STK39: variants seen among roughly 807,000 people sequenced by gnomAD.
STK39 encodes the protein serine/threonine kinase 39, also known as STE20/SPS1-related proline-alanine-rich protein kinase.
In STK39, 20 loss-of-function variants were observed where a neutral mutation model predicts 77.8. The observed-to-expected ratio is 0.26, with a 90% confidence interval of 0.18 to 0.37. STK39 has a LOEUF of 0.37. STK39 is among the 10% of genes least tolerant of loss of function. The pLI, the probability that STK39 is intolerant of heterozygous loss-of-function variation, is 1.00. For missense variants in STK39, 479 were observed against 656.5 expected (o/e 0.73, Z 2.95); for synonymous variants, 246 against 234.1 (o/e 1.05, Z -0.47).
intron 16 of STK39, among the ~76,000 whole-genome samples, chr2:167,986,725 C>A (rs1683569074): frequency 1.3e-5 from 2 of 152,124 alleles, no homozygotes; most frequent in African/African-American, 4.8e-5. Flanking sequence ...AAGAAAGGAA[C>A]ACCGTGAGGT....
intron 10 of STK39, among the ~76,000 whole-genome samples, chr2:168,118,229 C>T (rs1174903398): frequency 3.9e-5 from 6 of 151,954 alleles, no homozygotes; most frequent in African/African-American, 9.7e-5. Flanking sequence ...AGCTCATGCA[C>T]GCAAGCTTTT....
chr2:168,000,933 A>T (rs1473424738), intron 16 of STK39, among the ~76,000 whole-genome samples: 4 of 152,192 alleles, frequency 2.6e-5, no homozygotes, highest in African/African-American at 9.6e-5. Flanking sequence ...TCGCTGACCA[A>T]ATTCTACAAG....
At chr2:168,040,416 C>G (rs2105351170) in intron 14 of STK39, among the ~76,000 whole-genome samples, 1 of 152,278 alleles carries the variant, frequency 6.6e-6, no homozygotes, top group Middle Eastern at 3.4e-3. Context: ...AGCTCTTGCC[C>G]TGAGTAATGG....
intron 14 of STK39, among the ~76,000 whole-genome samples, chr2:168,019,271 T>C (rs1684511358): frequency 6.6e-6 from 1 of 152,246 alleles, no homozygotes; most frequent in Non-Finnish European, 1.5e-5. Context: ...CCCATGTCAG[T>C]ATAATAAAAT....
chr2:168,197,676 T>C (rs1250858954), intron 1 of STK39, among the ~76,000 whole-genome samples: 2 of 152,256 alleles, frequency 1.3e-5, no homozygotes, highest in Admixed American at 1.3e-4. Context: ...TATTTGTAGG[T>C]ATTCTTTCCA....
At chr2:168,218,923 T>A (rs1282328489) in intron 1 of STK39, among the ~76,000 whole-genome samples, 1 of 151,812 alleles carries the variant, frequency 6.6e-6, no homozygotes, top group Admixed American at 6.6e-5. Context: ...AGGACAGGCA[T>A]GCTTTTTATT....
At chr2:167,995,499 G>A (rs1683814976) in intron 16 of STK39, among the ~76,000 whole-genome samples, 1 of 152,144 alleles carries the variant, frequency 6.6e-6, no homozygotes, top group African/African-American at 2.4e-5. Flanking sequence ...GTATTTTCAT[G>A]AGGAGTCCCC....
intron 8 of STK39, among the ~76,000 whole-genome samples, chr2:168,133,991 C>A (rs1388573723): frequency 6.6e-6 from 1 of 152,118 alleles, no homozygotes; most frequent in African/African-American, 2.4e-5. Flanking sequence ...TATGCCATAG[C>A]AACTGCCAAT....
At chr2:168,238,440 T>C (rs1207913534) in intron 1 of STK39, among the ~76,000 whole-genome samples, 1 of 152,216 alleles carries the variant, frequency 6.6e-6, no homozygotes, top group Non-Finnish European at 1.5e-5. Flanking sequence ...AAATGCCACT[T>C]ACCTGGAAGA....
At chr2:168,144,973 C>CCT (rs10625112) in intron 5 of STK39, among the ~76,000 whole-genome samples, 64,779 of 147,798 alleles carry the variant, frequency 0.44, 16,028 homozygotes, top group East Asian at 0.67. Context: ...AGAGTGAGCC[C>CCT]GTCTCAGAAA....
At chr2:168,240,451 T>C (rs1212248501) in intron 1 of STK39, among the ~76,000 whole-genome samples, 2 of 152,166 alleles carry the variant, frequency 1.3e-5, no homozygotes, top group Non-Finnish European at 2.9e-5. Context: ...TAAGAATCGA[T>C]AAGGGCCTGA....
intron 5 of STK39, among the ~76,000 whole-genome samples, chr2:168,157,517 G>A (rs566847094): frequency 6.6e-6 from 1 of 152,254 alleles, no homozygotes; most frequent in African/African-American, 2.4e-5. Context: ...AGGCTGGGAA[G>A]TCCAAGATTA....
intron 10 of STK39, among the ~76,000 whole-genome samples, chr2:168,095,845 G>A (rs556416391): frequency 1.2e-4 from 18 of 151,884 alleles, no homozygotes; most frequent in Non-Finnish European, 2.4e-4. Flanking sequence ...TGTCTACCAA[G>A]ATGACGACTA....
chr2:168,123,074 A>G (rs546799052), intron 10 of STK39, among the ~76,000 whole-genome samples: 1 of 152,302 alleles, frequency 6.6e-6, no homozygotes, highest in Non-Finnish European at 1.5e-5. Context: ...ACCCAACATC[A>G]CTTCTGAGGT....
chr2:168,043,368 C>T (rs1026303852), intron 14 of STK39, among the ~76,000 whole-genome samples: 1 of 152,134 alleles, frequency 6.6e-6, no homozygotes, highest in Non-Finnish European at 1.5e-5. Flanking sequence ...CTGATGATTC[C>T]TAATTTTTAA....
At chr2:168,054,732 T>C (rs914210803) in intron 14 of STK39, among the ~76,000 whole-genome samples, 10 of 151,730 alleles carry the variant, frequency 6.6e-5, no homozygotes, top group African/African-American at 2.4e-4. Flanking sequence ...GACCCTGGAT[T>C]CGTCCTATCC....
At chr2:168,112,742 T>G (rs964416016) in intron 10 of STK39, among the ~76,000 whole-genome samples, 1 of 152,198 alleles carries the variant, frequency 6.6e-6, no homozygotes, top group Non-Finnish European at 1.5e-5. Flanking sequence ...GACCATTGTT[T>G]TACAACCTTT....
chr2:167,983,061 A>G (rs1683463140), intron 16 of STK39, among the ~76,000 whole-genome samples: 1 of 152,232 alleles, frequency 6.6e-6, no homozygotes, highest in Admixed American at 6.5e-5. Flanking sequence ...GGAATGGACG[A>G]ATGAAAATAA....
chr2:168,174,395 TA>T (rs1164732412), intron 2 of STK39, among the ~76,000 whole-genome samples: 2 of 152,274 alleles, frequency 1.3e-5, no homozygotes, highest in East Asian at 1.9e-4. Flanking sequence ...AAAACTGTCC[TA>T]AAAAATTAAA....
Sources: allele counts gnomAD v4.1 joint callset (sites outside exome capture counted in the v4.1 genomes callset), GRCh38; gene constraint gnomAD v4.1.1; transcripts MANE v1.5; gene names NCBI Gene and HGNC (gene_info 2026-07-23, HGNC 2026-07-21).